RREB1: variants seen among roughly 807,000 people sequenced by gnomAD.
RREB1 encodes ras responsive element binding protein 1, also known as ras-responsive element-binding protein 1.
RREB1 carries 27 observed loss-of-function variants against 117.8 expected under a neutral mutation model. The observed-to-expected ratio is 0.23, with a 90% confidence interval of 0.17 to 0.32. The LOEUF (loss-of-function observed/expected upper bound fraction) is 0.32, where lower values mean the gene tolerates loss of function less well. Among genes scored for constraint, RREB1 ranks in the 10% least tolerant of loss-of-function variants. The pLI, the probability that RREB1 is intolerant of heterozygous loss-of-function variation, is 1.00. For synonymous variants in RREB1, 1,298 were observed against 1,026.7 expected (o/e 1.26, Z -5.05); for missense variants, 2,577 against 2,378.2 (o/e 1.08, Z -1.74).
chr6:7,221,021 T>C (rs1243918387), intron 8 of RREB1, among the ~76,000 whole-genome samples: 1 of 152,158 alleles, frequency 6.6e-6, no homozygotes, highest in East Asian at 1.9e-4. Flanking sequence ...GCTTTCTCCT[T>C]GGGGCCTTGG....
At chr6:7,248,469 G>A (rs1244036683) in intron 12 of RREB1, 42 bp from the exon 13 acceptor site, 6 of 1,560,644 alleles carry the variant, frequency 3.8e-6, no homozygotes, top group South Asian at 1.1e-5. Context: ...GTGGGTACTG[G>A]TGCCTTTTGG....
chr6:7,202,513 C>T (rs754723872), intron 6 of RREB1, among the ~76,000 whole-genome samples: 6 of 152,072 alleles, frequency 3.9e-5, no homozygotes, highest in Non-Finnish European at 7.4e-5. Context: ...CTCTGGTGGC[C>T]GGCGATGGCT....
chr6:7,211,905 G>C, intron 8 of RREB1, 196 bp downstream of exon 8: 1 of 596,574 alleles, frequency 1.7e-6, no homozygotes, highest in Middle Eastern at 4.5e-4. Flanking sequence ...TATCCACAGG[G>C]TGTTCACATG....
intron 10 of RREB1, among the ~76,000 whole-genome samples, chr6:7,240,130 CT>C (rs200617770): frequency 2.0e-5 from 3 of 151,960 alleles, no homozygotes; most frequent in African/African-American, 7.3e-5. Context: ...TCTTCATTCG[CT>C]TTTTTTTGTT....
At chr6:7,188,597 C>T (rs570707749) in intron 5 of RREB1, among the ~76,000 whole-genome samples, 1 of 152,070 alleles carries the variant, frequency 6.6e-6, no homozygotes, top group South Asian at 2.1e-4. Context: ...GAGTGTAGAA[C>T]AGTGAAGGAT....
chr6:7,239,976 C>T (rs1254732905), intron 10 of RREB1, among the ~76,000 whole-genome samples: 2 of 152,234 alleles, frequency 1.3e-5, no homozygotes, highest in African/African-American at 4.8e-5. Flanking sequence ...TTCTTCTCTT[C>T]ATGGGCCCCC....
chr6:7,171,827 G>A (rs1323471360), intron 1 of RREB1, among the ~76,000 whole-genome samples: 1 of 152,116 alleles, frequency 6.6e-6, no homozygotes, highest in East Asian at 1.9e-4. Context: ...AGATATTCTG[G>A]GGCAAGGAAC....
At chr6:7,158,620 A>G (rs940863482) in intron 1 of RREB1, among the ~76,000 whole-genome samples, 3 of 152,162 alleles carry the variant, frequency 2.0e-5, no homozygotes, top group African/African-American at 4.8e-5. Flanking sequence ...TTCTAGACCT[A>G]AAATTAGAAT....
At position 7,231,675 on chromosome 6, in the gene RREB1, G is replaced by A. The variant is rs749595162; in HGVS notation, c.3576G>A (p.Lys1192=). 6.2e-7 allele frequency: 1 copy of A among 1,611,872 alleles called. No homozygotes were observed. Residue 1192 remains lysine (K), a synonymous_variant, in exon 10 of 13, where the codon AAG becomes AAA. Transcript: ENST00000379938. ...TGCTGGCCACCACAGACACCAACAA[G>A]TTCAGTCCGTTTCTGCAGACAGCGG... The part of the protein sequence containing the change: ...EKMLATTDTN[K]FSPFLQTAED...
intron 1 of RREB1, among the ~76,000 whole-genome samples, chr6:7,130,647 T>TG (rs1178433434): frequency 2.6e-5 from 4 of 151,902 alleles, no homozygotes; most frequent in Non-Finnish European, 5.9e-5. Context: ...GATGGAGTCT[T>TG]GCTCTGTCAC....
At chr6:7,159,850 A>G (rs1480505434) in intron 1 of RREB1, among the ~76,000 whole-genome samples, 1 of 152,174 alleles carries the variant, frequency 6.6e-6, no homozygotes, top group Non-Finnish European at 1.5e-5. Context: ...AAATTTATGG[A>G]CTATTTTCCT....
intron 1 of RREB1, among the ~76,000 whole-genome samples, chr6:7,128,638 G>A (rs1477890743): frequency 2.0e-5 from 3 of 151,414 alleles, no homozygotes; most frequent in Admixed American, 6.6e-5. Flanking sequence ...CTCAATATAC[G>A]GTGATACCTG....
intron 6 of RREB1, among the ~76,000 whole-genome samples, chr6:7,195,232 A>G (rs1031815009): frequency 6.6e-6 from 1 of 152,252 alleles, no homozygotes; most frequent in Non-Finnish European, 1.5e-5. Flanking sequence ...AGGGATTATC[A>G]TACTACATTT....
intron 1 of RREB1, among the ~76,000 whole-genome samples, chr6:7,146,633 A>T (rs527373090): frequency 9.7e-4 from 147 of 152,188 alleles, no homozygotes; most frequent in Non-Finnish European, 1.9e-3. Context: ...CTCCGTAAAC[A>T]TACCATATAT....
chr6:7,251,489 C>CTTGTTTTTTT lies in RREB1; in HGVS notation c.*2523_*2524insGTTTTTTTTT, dbSNP rs747198771. 2.5e-5 allele frequency: 3 copies of CTTGTTTTTTT among 121,354 alleles called. No individual in the cohort carries two copies. Among genetic ancestry groups the CTTGTTTTTTT allele is most frequent in the African/African-American group, 6.4e-5 (2 of 31,418 alleles). 7.5% of individuals were successfully genotyped at this position (121,354 alleles called of 1,614,324 possible). ...GTTTTTTGAGGTGCAAGTTTTTTCT[C>CTTGTTTTTTT]TTTTTTTTTTTTTTTTTTTTTTCTC... On this transcript the variant is annotated 3_prime_UTR_variant, in exon 13 of 13. Transcript: ENST00000379938.
intron 11 of RREB1, among the ~76,000 whole-genome samples, chr6:7,245,540 T>A (rs140651986): frequency 1.3e-5 from 2 of 152,356 alleles, no homozygotes; most frequent in African/African-American, 4.8e-5. Context: ...CTTTTGACAC[T>A]GTTTGATGTG....
intron 1 of RREB1, among the ~76,000 whole-genome samples, chr6:7,132,123 C>T (rs1278685467): frequency 1.3e-5 from 2 of 152,048 alleles, no homozygotes; most frequent in Non-Finnish European, 2.9e-5. Context: ...GGTGCAATCT[C>T]GGCTCACTGC....
intron 11 of RREB1, among the ~76,000 whole-genome samples, chr6:7,241,475 C>G (rs560631135): frequency 6.6e-6 from 1 of 152,268 alleles, no homozygotes; most frequent in East Asian, 1.9e-4. Context: ...GAAAACCTGA[C>G]ACTATCTTGT....
chr6:7,161,868 G>A (rs1204067281), intron 1 of RREB1, among the ~76,000 whole-genome samples: 1 of 152,076 alleles, frequency 6.6e-6, no homozygotes, highest in Non-Finnish European at 1.5e-5. Flanking sequence ...CTCCTAACTG[G>A]GTTATATACC....
Sources: allele counts gnomAD v4.1 joint callset (sites outside exome capture counted in the v4.1 genomes callset), GRCh38; gene constraint gnomAD v4.1.1; transcripts MANE v1.5; gene names NCBI Gene and HGNC (gene_info 2026-07-23, HGNC 2026-07-21).